Variants in FGF12 observed in about 807,000 individuals in gnomAD.
The protein encoded by FGF12 is fibroblast growth factor 12B.
Under a neutral mutation model 23.6 loss-of-function variants are expected in FGF12, and 14 were observed. The observed-to-expected ratio is 0.59, with a 90% confidence interval of 0.39 to 0.93. The LOEUF (loss-of-function observed/expected upper bound fraction) is 0.93, where lower values mean the gene tolerates loss of function less well. FGF12 is among the 40% of genes least tolerant of loss of function. The pLI, the probability that FGF12 is intolerant of heterozygous loss-of-function variation, is 0.00. For missense variants in FGF12, 175 were observed against 217.8 expected, an observed-to-expected ratio of 0.80 and a Z score of 1.24; for synonymous variants, 62 against 77.3, an observed-to-expected ratio of 0.80 and a Z score of 1.04.
chr3:192,189,472 C>T (rs574804278), intron 4 of FGF12, among the ~76,000 whole-genome samples: 1 of 152,308 alleles, frequency 6.6e-6, no homozygotes, highest in Non-Finnish European at 1.5e-5. Context: ...CCTTCTCTCA[C>T]CCCAAAATTT....
At chr3:192,496,565 C>CT (rs1336527602) in intron 2 of FGF12, among the ~76,000 whole-genome samples, 1 of 152,152 alleles carries the variant, frequency 6.6e-6, no homozygotes, top group East Asian at 1.9e-4. Flanking sequence ...CATTCCCTTA[C>CT]TTCTCCACAC....
At chr3:192,266,692 A>G (rs1274458585) in intron 4 of FGF12, among the ~76,000 whole-genome samples, 6 of 151,854 alleles carry the variant, frequency 4.0e-5, no homozygotes, top group African/African-American at 1.2e-4. Flanking sequence ...AATACTTTCC[A>G]TTTTTTTCTG....
At chr3:192,525,938 C>T (rs1577036403) in intron 2 of FGF12, among the ~76,000 whole-genome samples, 2 of 152,222 alleles carry the variant, frequency 1.3e-5, no homozygotes, top group Non-Finnish European at 1.5e-5. Flanking sequence ...CCACGCCCAG[C>T]GAATTTTTGC....
chr3:192,669,375 C>T (rs2108692274), intron 2 of FGF12, among the ~76,000 whole-genome samples: 2 of 151,972 alleles, frequency 1.3e-5, no homozygotes, highest in East Asian at 3.9e-4. Flanking sequence ...ATCATGAAGT[C>T]AAGAGATCAA....
In FGF12 at chr3:192,727,185, G is replaced by A. The variant is rs1483009543; in HGVS notation, c.9C>T (p.Ser3=). The A allele has an allele frequency of 1.9e-6, 3 of 1,580,388 alleles. No homozygotes were observed. Among genetic ancestry groups the A allele is most frequent in the Admixed American group, 1.8e-5 (1 of 55,108 alleles). ...CCGATAGGGACAACCACATACCTTT[G>A]CTCTCCATTTCGGTCCCTTTCGAGT... ME[S]KEPQLKGIVT... The change falls in exon 2 of 6, where the codon AGC becomes AGT. Residue 3 remains serine (S), a synonymous_variant. Coordinates refer to ENST00000445105, the MANE Select transcript of FGF12 (RefSeq NM_004113.6).
intron 2 of FGF12, among the ~76,000 whole-genome samples, chr3:192,510,228 C>T (rs914901857): frequency 6.6e-6 from 1 of 152,090 alleles, no homozygotes; most frequent in Non-Finnish European, 1.5e-5. Context: ...ACAATATGCC[C>T]AGCAGAAGGA....
intron 2 of FGF12, among the ~76,000 whole-genome samples, chr3:192,393,399 A>G (rs1375953557): frequency 6.6e-6 from 1 of 152,178 alleles, no homozygotes; most frequent in East Asian, 1.9e-4. Flanking sequence ...AAGTTTCCTC[A>G]TGTTTGACAC....
chr3:192,289,152 T>C (rs779034907), intron 4 of FGF12, among the ~76,000 whole-genome samples: 21 of 152,164 alleles, frequency 1.4e-4, no homozygotes, highest in Admixed American at 9.2e-4. Context: ...GAAATAGATT[T>C]GGGGAAATAG....
chr3:192,567,735 CTCTTTCTTTCTTTCTT>C lies in FGF12; in HGVS notation c.13+159430_13+159445del, dbSNP rs58243923. On this transcript the variant is annotated intron_variant, in intron 2 of 5. Transcript: ENST00000445105. ...TTTTTACATGGTCTTCTCCATGTGT[CTCTTTCTTTCTTTCTT>C]TCTTTCTTTCTTTCTTTCTTTCTTT... 9.8e-3 allele frequency among the ~76,000 whole-genome samples: 1,235 copies of C among 126,040 alleles called. 14 individuals carry two copies. Among genetic ancestry groups the C allele is most frequent in the East Asian group, 0.028 (118 of 4,222 alleles). 82.7% of individuals were successfully genotyped at this position (126,040 alleles called of 152,430 possible).
chr3:192,417,749 C>T (rs1277447221), intron 2 of FGF12, among the ~76,000 whole-genome samples: 4 of 151,932 alleles, frequency 2.6e-5, no homozygotes, highest in Non-Finnish European at 5.9e-5. Flanking sequence ...AGATACTGAA[C>T]CCTTGATAAA....
intron 3 of FGF12, among the ~76,000 whole-genome samples, chr3:192,347,823 C>G: frequency 6.6e-6 from 1 of 151,928 alleles, no homozygotes; most frequent in African/African-American, 2.4e-5. Flanking sequence ...CATTGATTTC[C>G]CCTGTTGAGA....
At chr3:192,695,663 T>C (rs1321603703) in intron 2 of FGF12, among the ~76,000 whole-genome samples, 1 of 152,214 alleles carries the variant, frequency 6.6e-6, no homozygotes, top group Non-Finnish European at 1.5e-5. Flanking sequence ...ATCAATCAAA[T>C]ATTTAAAATT....
intron 2 of FGF12, among the ~76,000 whole-genome samples, chr3:192,664,605 C>CAA (rs763256973): frequency 3.6e-5 from 4 of 111,916 alleles, no homozygotes; most frequent in Admixed American, 9.6e-5. Context: ...AAAAAAAATA[C>CAA]AAAAAAAAAA....
intron 4 of FGF12, 144 bp downstream of exon 4, chr3:192,335,217 C>A (rs1717335077): frequency 1.6e-6 from 1 of 608,440 alleles, no homozygotes; most frequent in African/African-American, 1.9e-5. Context: ...AATTACAAAA[C>A]CTCAAAATAA....
intron 2 of FGF12, among the ~76,000 whole-genome samples, chr3:192,434,912 C>A (rs1303143746): frequency 6.6e-6 from 1 of 151,934 alleles, no homozygotes; most frequent in Admixed American, 6.6e-5. Flanking sequence ...ATTTATCCAA[C>A]CGCTTTTCAG....
At chr3:192,440,817 G>A (rs777263324) in intron 2 of FGF12, among the ~76,000 whole-genome samples, 70 of 152,286 alleles carry the variant, frequency 4.6e-4, no homozygotes, top group Non-Finnish European at 6.9e-4. Flanking sequence ...AGCATCCCAT[G>A]AGGCTGGTAA....
chr3:192,141,830 CTCAAG>C lies in FGF12; in HGVS notation c.*2174_*2178del, dbSNP rs1713407133. On this transcript the variant is annotated 3_prime_UTR_variant, in exon 6 of 6. Coordinates refer to ENST00000445105, the MANE Select transcript of FGF12 (RefSeq NM_004113.6). ...TGTATGTGTATCATCACTACAAAAGCTCAAGTCATTTCATGCTAAAAGAGCCAGTG... is the reference window on the plus strand; with the variant it reads ...TGTATGTGTATCATCACTACAAAAGCTCATTTCATGCTAAAAGAGCCAGTG... 6.6e-6 allele frequency: 1 copy of C among 151,626 alleles called. No homozygotes were observed. The allele number at this position is 151,626 out of a possible 1,614,324, so 9.4% of individuals were successfully genotyped here. A position where few individuals can be genotyped will look rare whatever the true frequency, so the allele number is the denominator to read the frequency against.
intron 3 of FGF12, among the ~76,000 whole-genome samples, chr3:192,344,259 G>A (rs1165741890): frequency 6.6e-6 from 1 of 151,892 alleles, no homozygotes; most frequent in Non-Finnish European, 1.5e-5. Flanking sequence ...TGTTCTCATT[G>A]TTGTTTTCAT....
At chr3:192,720,969 T>C (rs1256597264) in intron 2 of FGF12, among the ~76,000 whole-genome samples, 3 of 152,216 alleles carry the variant, frequency 2.0e-5, no homozygotes, top group African/African-American at 7.2e-5. Context: ...CAAGGTGTAA[T>C]ACTTGACTCA....
Sources: gnomAD v4.1 joint callset for allele counts (sites outside exome capture counted in the v4.1 genomes callset) on GRCh38, gnomAD v4.1.1 for gene constraint, MANE v1.5 for transcripts, NCBI Gene and HGNC (gene_info 2026-07-23, HGNC 2026-07-21) for gene names.